Variants in AAK1 observed in about 807,000 individuals in gnomAD.
AAK1 encodes AP2-associated protein kinase 1.
Under a neutral mutation model 116.0 loss-of-function variants are expected in AAK1, and 37 were observed. The ratio of observed to expected loss-of-function variants is 0.32; its 90% CI spans 0.25 to 0.42. AAK1 has a LOEUF of 0.42. AAK1 is among the 10% of genes least tolerant of loss of function. The probability of loss-of-function intolerance (pLI) is 1.00; values close to 1 mark genes in which losing one functional copy is unlikely to be tolerated. For missense variants in AAK1, 919 were observed against 1,170.6 expected (o/e 0.79, Z 3.14); for synonymous variants, 458 against 439.9 (o/e 1.04, Z -0.51).
At chr2:69,559,298 A>ACTCT (rs1043202922) in intron 2 of AAK1, among the ~76,000 whole-genome samples, 104 of 78,378 alleles carry the variant, frequency 1.3e-3, no homozygotes, top group African/African-American at 3.4e-3. Flanking sequence ...ACACACACAC[A>ACTCT]CTCTCTCTCT....
At chr2:69,572,979 T>C (rs901396146) in intron 2 of AAK1, among the ~76,000 whole-genome samples, 2 of 152,174 alleles carry the variant, frequency 1.3e-5, no homozygotes, top group Non-Finnish European at 2.9e-5. Flanking sequence ...TCAGCCCTCT[T>C]GGACAAAGCT....
intron 13 of AAK1, among the ~76,000 whole-genome samples, chr2:69,511,094 C>A (rs528670118): frequency 6.6e-6 from 1 of 152,302 alleles, no homozygotes; most frequent in East Asian, 1.9e-4. Flanking sequence ...GATAAAATAA[C>A]TTTGGATATA....
chr2:69,533,450 C>T (rs759555771), intron 5 of AAK1, among the ~76,000 whole-genome samples: 6 of 152,082 alleles, frequency 3.9e-5, no homozygotes, highest in Admixed American at 6.6e-5. Flanking sequence ...AATTTCTATA[C>T]TTGTTTCTAT....
At chr2:69,531,938 C>T in intron 6 of AAK1, 103 bp downstream of exon 6, 1 of 1,513,498 alleles carries the variant, frequency 6.6e-7, no homozygotes, top group Non-Finnish European at 9.0e-7. Flanking sequence ...GGACAACTGA[C>T]TATCACCATT....
chr2:69,509,527 G>C lies in AAK1; in HGVS notation c.1777-67C>G, dbSNP rs1336051082. 6 of 1,362,428 alleles carry C rather than the reference G, an allele frequency of 4.4e-6. No homozygotes were observed. The African/African-American group carries it at 8.9e-5, about 20-fold the overall frequency. 84.4% of individuals were successfully genotyped at this position (1,362,428 alleles called of 1,614,324 possible). ...AAAAAAGTTAAAGGAAAAACAAACA[G>C]ATAAGTGTAACAACAACAACAAAAA... On this transcript the variant is annotated intron_variant, in intron 13 of 21. Transcript: ENST00000409085.
chr2:69,471,930 G>C lies in AAK1; in HGVS notation c.*3939C>G. The C allele has an allele frequency of 1.0e-6, 1 of 985,350 alleles. No homozygotes were observed. The highest frequency in any genetic ancestry group is 1.2e-6 in the Non-Finnish European group (1 of 829,854). 61.0% of individuals were successfully genotyped at this position (985,350 alleles called of 1,614,324 possible). On this transcript the variant is annotated 3_prime_UTR_variant, in exon 22 of 22. Transcript: ENST00000409085. Reference sequence around the variant, plus strand: ...AAAACAAATATTACATCTTGAGAAAGTAGTTCGTTTCTTGGGTTTGTTTTT... The same window carrying C: ...AAAACAAATATTACATCTTGAGAAACTAGTTCGTTTCTTGGGTTTGTTTTT...
intron 10 of AAK1, among the ~76,000 whole-genome samples, chr2:69,524,414 TTTGTTTTG>T: frequency 2.1e-5 from 1 of 47,484 alleles, no homozygotes; most frequent in East Asian, 3.9e-3. Flanking sequence ...ACATTCTTTT[TTTGTTTTG>T]TTTTGTTTTG....
In AAK1 at chr2:69,607,131, G is replaced by A. The variant is rs115351491; in HGVS notation, c.163+35747C>T. Among the ~76,000 whole-genome samples, 772 of 151,918 alleles carry A rather than the reference G, an allele frequency of 5.1e-3. 3 individuals are homozygous for A. Among genetic ancestry groups the A allele is most frequent in the African/African-American group, 0.018 (740 of 41,376 alleles). On this transcript the variant is annotated intron_variant, in intron 2 of 21. Coordinates refer to ENST00000409085, the MANE Select transcript of AAK1 (RefSeq NM_014911.5). ...AAAGCAAGAAGGTTTGACAGAGAGT[G>A]TTATGTGGGGGAAGAGGGTGAAGAA...
intron 2 of AAK1, among the ~76,000 whole-genome samples, chr2:69,558,062 GC>G (rs1006007918): frequency 6.6e-5 from 10 of 152,162 alleles, no homozygotes; most frequent in Non-Finnish European, 8.8e-5. Context: ...AAATATATAA[GC>G]CAGGTGTGGT....
chr2:69,478,753 C>T (rs1242652193), intron 20 of AAK1, 198 bp downstream of exon 20: 24 of 472,572 alleles, frequency 5.1e-5, no homozygotes, highest in Admixed American at 7.2e-5. Context: ...CACAACTGGC[C>T]GGTCGTCTAA....
intron 2 of AAK1, among the ~76,000 whole-genome samples, chr2:69,603,555 A>G: frequency 6.6e-6 from 1 of 152,180 alleles, no homozygotes; most frequent in East Asian, 1.9e-4. Context: ...CATGTGAGTC[A>G]CTTCAGAGCA....
intron 2 of AAK1, among the ~76,000 whole-genome samples, chr2:69,564,967 T>C (rs1384673928): frequency 6.6e-6 from 1 of 152,240 alleles, no homozygotes; most frequent in Non-Finnish European, 1.5e-5. Context: ...TTTGTATTTG[T>C]ATGATACATT....
At chr2:69,587,575 C>T (rs1672845701) in intron 2 of AAK1, among the ~76,000 whole-genome samples, 1 of 151,580 alleles carries the variant, frequency 6.6e-6, no homozygotes, top group East Asian at 2.0e-4. Context: ...AAGTGATTCT[C>T]CTGTCTCAGC....
intron 2 of AAK1, among the ~76,000 whole-genome samples, chr2:69,638,459 G>A (rs1263760648): frequency 2.6e-5 from 4 of 152,138 alleles, no homozygotes; most frequent in Admixed American, 2.6e-4. Context: ...GAGGGGAGCC[G>A]TGCATTCTTG....
chr2:69,622,806 C>G (rs971197602), intron 2 of AAK1, among the ~76,000 whole-genome samples: 1 of 152,106 alleles, frequency 6.6e-6, no homozygotes, highest in Admixed American at 6.5e-5. Flanking sequence ...ATACACCAAT[C>G]GACACTCCGC....
intron 2 of AAK1, among the ~76,000 whole-genome samples, chr2:69,588,699 T>G (rs1672894311): frequency 6.6e-6 from 1 of 152,180 alleles, no homozygotes; most frequent in Admixed American, 6.5e-5. Flanking sequence ...CATGATTTTT[T>G]TTTTCTTTTT....
intron 2 of AAK1, among the ~76,000 whole-genome samples, chr2:69,572,883 A>C (rs1482188731): frequency 6.6e-6 from 1 of 152,102 alleles, no homozygotes; most frequent in African/African-American, 2.4e-5. Context: ...AGAGCTGGGT[A>C]ATAGGAAGAG....
intron 17 of AAK1, among the ~76,000 whole-genome samples, chr2:69,486,168 C>G (rs1675293996): frequency 6.6e-6 from 1 of 151,996 alleles, no homozygotes; most frequent in Non-Finnish European, 1.5e-5. Flanking sequence ...CGCTATGCTG[C>G]CCAGGACAAT....
At chr2:69,538,538 T>C (rs774255886) in intron 5 of AAK1, among the ~76,000 whole-genome samples, 1 of 152,248 alleles carries the variant, frequency 6.6e-6, no homozygotes, top group Non-Finnish European at 1.5e-5. Flanking sequence ...TTTACTGGTA[T>C]GACATGACTA....
Sources: allele counts gnomAD v4.1 joint callset (sites outside exome capture counted in the v4.1 genomes callset), GRCh38; gene constraint gnomAD v4.1.1; transcripts MANE v1.5; gene names NCBI Gene and HGNC (gene_info 2026-07-23, HGNC 2026-07-21).